The following MSI2 variants were observed in gnomAD, a reference collection of about 807,000 sequenced individuals.
MSI2 encodes RNA-binding protein Musashi homolog 2.
Under a neutral mutation model 45.6 loss-of-function variants are expected in MSI2, and 17 were observed. That is an observed-to-expected ratio of 0.37 (90% CI 0.26 to 0.56). The LOEUF is 0.56. Ranked by LOEUF, MSI2 falls within the 20% of genes least tolerant of loss-of-function variation. The pLI, the probability that MSI2 is intolerant of heterozygous loss-of-function variation, is 0.77. For missense variants in MSI2, 293 were observed against 444.2 expected (o/e 0.66, Z 3.06); for synonymous variants, 156 against 158.2 (o/e 0.99, Z 0.11).
At chr17:57,256,974 C>T in intron 1 of MSI2, 124 bp from the exon 2 acceptor site, 1 of 1,520,684 alleles carries the variant, frequency 6.6e-7, no homozygotes, top group Non-Finnish European at 8.9e-7. Flanking sequence ...ACCTTCTCCC[C>T]CACCCCACCT....
chr17:57,644,827 C>T (rs1179294663), intron 10 of MSI2, among the ~76,000 whole-genome samples: 1 of 152,080 alleles, frequency 6.6e-6, no homozygotes, highest in Non-Finnish European at 1.5e-5. Context: ...CCCTTAATCA[C>T]ACCTATTCAA....
At chr17:57,617,400 C>T (rs779835727) in intron 9 of MSI2, among the ~76,000 whole-genome samples, 128 of 152,212 alleles carry the variant, frequency 8.4e-4, no homozygotes, top group Non-Finnish European at 1.5e-3. Context: ...GAGAATGTAA[C>T]ACAAAGCTAC....
At chr17:57,363,437 C>T (rs916735506) in intron 5 of MSI2, among the ~76,000 whole-genome samples, 22 of 152,090 alleles carry the variant, frequency 1.4e-4, no homozygotes, top group Admixed American at 3.9e-4. Flanking sequence ...GGATATTTTA[C>T]CACTGTAAAA....
At chr17:57,507,231 G>C (rs12952696) in intron 6 of MSI2, among the ~76,000 whole-genome samples, 1,417 of 27,234 alleles carry the variant, frequency 0.052, 51 homozygotes, top group African/African-American at 0.12. Flanking sequence ...CTCTCTGTGT[G>C]TGTGTGTGTG....
At chr17:57,411,089 C>T (rs577401489) in intron 6 of MSI2, among the ~76,000 whole-genome samples, 22 of 152,350 alleles carry the variant, frequency 1.4e-4, no homozygotes, top group Admixed American at 2.6e-4. Flanking sequence ...ACTGCAGCCT[C>T]AGTCTCTGGG....
intron 5 of MSI2, among the ~76,000 whole-genome samples, chr17:57,374,444 C>T (rs1041266166): frequency 6.6e-6 from 1 of 152,114 alleles, no homozygotes; most frequent in African/African-American, 2.4e-5. Flanking sequence ...TTACCTTATA[C>T]TATTGAGGAA....
chr17:57,556,731 G>T (rs2087444505), intron 7 of MSI2, among the ~76,000 whole-genome samples: 1 of 152,188 alleles, frequency 6.6e-6, no homozygotes, highest in South Asian at 2.1e-4. Context: ...GGTCACACCT[G>T]ATGTTCAGAG....
chr17:57,561,673 A>G (rs914803338), intron 7 of MSI2, among the ~76,000 whole-genome samples: 21 of 152,150 alleles, frequency 1.4e-4, no homozygotes, highest in Non-Finnish European at 1.6e-4. Context: ...AGGACGACAG[A>G]AAGGTAGGAA....
chr17:57,400,769 A>G (rs1485934570), intron 5 of MSI2, among the ~76,000 whole-genome samples: 1 of 152,080 alleles, frequency 6.6e-6, no homozygotes, highest in Non-Finnish European at 1.5e-5. Context: ...TGCAGGAACG[A>G]AAGTGTAGGG....
chr17:57,616,376 T>G, intron 9 of MSI2: 1 of 218,800 alleles, frequency 4.6e-6, no homozygotes, highest in Non-Finnish European at 9.0e-6. Flanking sequence ...TTCCATCTCC[T>G]TCCTCAAAAG....
intron 5 of MSI2, among the ~76,000 whole-genome samples, chr17:57,369,276 C>T (rs1459650853): frequency 1.3e-5 from 2 of 152,188 alleles, no homozygotes; most frequent in Admixed American, 6.5e-5. Context: ...TGGACACATA[C>T]CATTCCTTCT....
chr17:57,608,665 T>C (rs562284789), intron 8 of MSI2, among the ~76,000 whole-genome samples: 1 of 152,268 alleles, frequency 6.6e-6, no homozygotes, highest in Non-Finnish European at 1.5e-5. Flanking sequence ...TAGTCATTGT[T>C]GGTCAAAGGA....
At chr17:57,489,810 G>A (rs1318177556) in intron 6 of MSI2, among the ~76,000 whole-genome samples, 1 of 152,166 alleles carries the variant, frequency 6.6e-6, no homozygotes, top group African/African-American at 2.4e-5. Flanking sequence ...ACAGGACTTG[G>A]GGAGAAAGAA....
chr17:57,575,151 T>TC (rs898555784), intron 7 of MSI2, among the ~76,000 whole-genome samples: 73 of 114,440 alleles, frequency 6.4e-4, no homozygotes, highest in East Asian at 8.8e-4. Flanking sequence ...TTTAACTCCC[T>TC]CCCCCCGCCA....
intron 8 of MSI2, among the ~76,000 whole-genome samples, chr17:57,598,314 T>C (rs771070568): frequency 2.0e-5 from 3 of 152,370 alleles, no homozygotes; most frequent in Admixed American, 1.3e-4. Context: ...TGGTCTGATA[T>C]GTGTTCACCA....
chr17:57,563,580 A>G (rs1266777516), intron 7 of MSI2, among the ~76,000 whole-genome samples: 1 of 152,100 alleles, frequency 6.6e-6, no homozygotes, highest in Non-Finnish European at 1.5e-5. Flanking sequence ...AGTGAATGAC[A>G]TTGGATAAAG....
At chr17:57,512,564 CAG>C (rs2086376970) in intron 6 of MSI2, among the ~76,000 whole-genome samples, 1 of 152,204 alleles carries the variant, frequency 6.6e-6, no homozygotes, top group Admixed American at 6.5e-5. Flanking sequence ...GAACAGAACT[CAG>C]AGGCCGCAGA....
intron 5 of MSI2, among the ~76,000 whole-genome samples, chr17:57,319,089 T>TGGGG (rs1157482466): frequency 6.6e-6 from 1 of 152,176 alleles, no homozygotes; most frequent in African/African-American, 2.4e-5. Context: ...GAGCTGGTGA[T>TGGGG]GGGGAGCAGC....
At chr17:57,462,215 CCT>C (rs1346808509) in intron 6 of MSI2, among the ~76,000 whole-genome samples, 3 of 152,210 alleles carry the variant, frequency 2.0e-5, no homozygotes, top group African/African-American at 4.8e-5. Context: ...CTAAATGTCC[CCT>C]GTTTGTAAGA....
Sources: gnomAD v4.1 joint callset for allele counts (sites outside exome capture counted in the v4.1 genomes callset) on GRCh38, gnomAD v4.1.1 for gene constraint, MANE v1.5 for transcripts, NCBI Gene and HGNC (gene_info 2026-07-23, HGNC 2026-07-21) for gene names.